Variants in ZBTB16 observed in about 807,000 individuals in gnomAD.
ZBTB16 encodes the protein zinc finger and BTB domain containing 16.
Under a neutral mutation model 56.8 loss-of-function variants are expected in ZBTB16, and 8 were observed. The ratio of observed to expected loss-of-function variants is 0.14; its 90% confidence interval spans 0.08 to 0.25. The LOEUF (loss-of-function observed/expected upper bound fraction) is 0.25. ZBTB16 is among the 10% of genes least tolerant of loss of function. ZBTB16 has a pLI of 1.00. For synonymous variants in ZBTB16, 363 were observed against 368.5 expected, an observed-to-expected ratio of 0.98 and a Z score of 0.17; for missense variants, 625 against 903.0, an observed-to-expected ratio of 0.69 and a Z score of 3.95.
At position 114,250,429 on chromosome 11, in the gene ZBTB16, C is replaced by T; in HGVS notation, c.1896C>T (p.Cys632=). 1.9e-6 allele frequency: 3 copies of T among 1,614,164 alleles called. No homozygotes were observed. Among genetic ancestry groups the T allele is most frequent in the Non-Finnish European group, 2.5e-6 (3 of 1,180,042 alleles). Residue 632 remains cysteine (C), a synonymous_variant, in exon 7 of 7, where the codon TGC becomes TGT. Coordinates refer to ENST00000335953, the MANE Select transcript of ZBTB16 (RefSeq NM_006006.6). This position sits in a 1 kb window ranked among gnomAD's most constrained non-coding sequence, Gnocchi z 6.0. ...ACAACGGCGCCTCGCCCTACCAGTG[C>T]ACCATCTGCACAGAGTACTGCCCCA... ...RTHNGASPYQ[C]TICTEYCPSL...
intron 2 of ZBTB16, among the ~76,000 whole-genome samples, chr11:114,113,689 A>G (rs545913024): frequency 4.6e-5 from 7 of 152,288 alleles, no homozygotes; most frequent in Non-Finnish European, 8.8e-5. Flanking sequence ...AAATAGAGAC[A>G]TTCTGTAAAT....
At chr11:114,249,753 C>G (rs1307074194) in intron 6 of ZBTB16, among the ~76,000 whole-genome samples, 43 of 111,754 alleles carry the variant, frequency 3.8e-4, no homozygotes, top group Middle Eastern at 5.9e-3. Context: ...GCCTGGGCGA[C>G]ACAGCGAGAC....
intron 4 of ZBTB16, among the ~76,000 whole-genome samples, chr11:114,218,692 C>G (rs1268645182): frequency 6.6e-6 from 1 of 152,184 alleles, no homozygotes; most frequent in African/African-American, 2.4e-5. Context: ...CTTCTGTCAA[C>G]TGCTTGTTTC....
chr11:114,235,439 C>A (rs552088475), intron 4 of ZBTB16, among the ~76,000 whole-genome samples: 66 of 152,330 alleles, frequency 4.3e-4, no homozygotes, highest in African/African-American at 1.5e-3. Flanking sequence ...CTCTTCCTTC[C>A]CATCTATTAA....
Position 114,254,031 on chromosome 11 carries a change from TC to T in ZBTB16, c.*3479del, listed in dbSNP as rs1944959444. On this transcript the variant is annotated 3_prime_UTR_variant, in exon 7 of 7. Transcript: ENST00000335953. ...CTGGCAAGGCCACGTTGGTTAATAG[TC>T]CCTTTCCCATGTCCAGCTCCTACAA... Among the ~76,000 whole-genome samples, 2 of 152,136 alleles carry T rather than the reference TC, an allele frequency of 1.3e-5. No homozygotes were observed. The highest frequency in any genetic ancestry group is 6.5e-5 in the Admixed American group (1 of 15,274).
chr11:114,244,567 G>A lies in ZBTB16; in HGVS notation c.1624+2230G>A, dbSNP rs141058487. 7.1e-3 allele frequency among the ~76,000 whole-genome samples: 1,082 copies of A among 152,220 alleles called. 2 individuals carry two copies. Among genetic ancestry groups the A allele is most frequent in the Non-Finnish European group, 0.011 (771 of 68,010 alleles). On this transcript the variant is annotated intron_variant, in intron 5 of 6. Transcript: ENST00000335953. ...TCAGCTCTCAGGGTGAAGATTTCAC[G>A]CCAGGTGCACACCGTGCTTCCAAAT...
intron 6 of ZBTB16, among the ~76,000 whole-genome samples, chr11:114,249,284 C>A (rs1177328): frequency 0.046 from 6,929 of 151,568 alleles, 243 homozygotes; most frequent in South Asian, 0.077. Context: ...CATGGTGAAA[C>A]CCTGTCTGTA....
Position 114,254,883 on chromosome 11 carries a change from T to C in ZBTB16, c.*4328T>C, listed in dbSNP as rs1487472490. ...AGGGGTGCAGGACAAACCAGAGAGG[T>C]TGGGTCAGGGGAAAAGGGTGGGGAG... On this transcript the variant is annotated 3_prime_UTR_variant, in exon 7 of 7. Transcript: ENST00000335953. Among the ~76,000 whole-genome samples, 2 of 150,984 alleles carry C rather than the reference T, an allele frequency of 1.3e-5. No homozygotes were observed. Among genetic ancestry groups the C allele is most frequent in the African/African-American group, 4.9e-5 (2 of 41,016 alleles).
At chr11:114,210,188 T>TGCGC (rs1205256098) in intron 4 of ZBTB16, among the ~76,000 whole-genome samples, 1 of 143,978 alleles carries the variant, frequency 6.9e-6, no homozygotes, top group African/African-American at 2.6e-5. Flanking sequence ...TGTGTGTGTG[T>TGCGC]GTGTGCGTGC....
chr11:114,181,883 C>T (rs1470810970), intron 3 of ZBTB16, among the ~76,000 whole-genome samples: 5 of 152,178 alleles, frequency 3.3e-5, no homozygotes, highest in East Asian at 1.9e-4. Flanking sequence ...CACTCCATCC[C>T]GTGCAGCTGG....
intron 4 of ZBTB16, among the ~76,000 whole-genome samples, chr11:114,210,204 C>CGCGCGCGCGG (rs200415523): frequency 7.0e-6 from 1 of 142,216 alleles, no homozygotes. Context: ...CGTGCGCGCG[C>CGCGCGCGCGG]GTGCACAGTT....
At position 114,060,563 on chromosome 11, in the gene ZBTB16, C is replaced by G. The variant is rs1938787097; in HGVS notation, c.-91+681C>G. 1 of 151,946 alleles carries G rather than the reference C, an allele frequency of 6.6e-6. No individual in the cohort carries two copies. The highest frequency in any genetic ancestry group is 1.5e-5 in the Non-Finnish European group (1 of 67,934). 9.4% of individuals were successfully genotyped at this position (151,946 alleles called of 1,614,324 possible). A position where few individuals can be genotyped will look rare whatever the true frequency, so the allele number is the denominator to read the frequency against. On this transcript the variant is annotated intron_variant, in intron 1 of 6. Transcript: ENST00000335953. The surrounding 1 kb of genome is among the most constrained non-coding windows in gnomAD (Gnocchi z 6.0). ...GACCGGCGGTGACACCGGAGCTCGC[C>G]GTGCGCTCCCGGCCGCTCTCGGTGG...
At chr11:114,076,085 C>G (rs75953713) in intron 2 of ZBTB16, among the ~76,000 whole-genome samples, 144 of 152,150 alleles carry the variant, frequency 9.5e-4, no homozygotes, top group African/African-American at 3.0e-3. Context: ...CCCCTGGTGA[C>G]AAAGGAGTGA....
intron 5 of ZBTB16, chr11:114,246,856 G>A: frequency 2.9e-6 from 1 of 350,408 alleles, no homozygotes; most frequent in South Asian, 2.8e-5. Flanking sequence ...TAAAGGAAGG[G>A]GAGAAGAGGT....
intron 4 of ZBTB16, among the ~76,000 whole-genome samples, chr11:114,235,957 C>A (rs1165538612): frequency 1.3e-5 from 2 of 151,838 alleles, no homozygotes; most frequent in African/African-American, 2.4e-5. Flanking sequence ...TTGCATGGAT[C>A]CTGCCCATAT....
intron 4 of ZBTB16, among the ~76,000 whole-genome samples, chr11:114,223,131 G>A (rs905601598): frequency 6.6e-6 from 1 of 152,194 alleles, no homozygotes. Context: ...AGTGATAGCC[G>A]TTCTGCAGGC....
chr11:114,061,914 G>T (rs567798189), intron 1 of ZBTB16, among the ~76,000 whole-genome samples: 2 of 152,118 alleles, frequency 1.3e-5, no homozygotes, highest in Admixed American at 6.5e-5. Flanking sequence ...TGGGACACAC[G>T]TGGAGTTCAC....
chr11:114,121,888 A>G, intron 2 of ZBTB16: 1 of 454,886 alleles, frequency 2.2e-6, no homozygotes, highest in South Asian at 1.6e-5. Context: ...ATTTCCTGAG[A>G]TGTGAGATGT....
chr11:114,148,246 GGC>G (rs1942160335), intron 2 of ZBTB16, among the ~76,000 whole-genome samples: 1 of 151,932 alleles, frequency 6.6e-6, no homozygotes, highest in African/African-American at 2.4e-5. Context: ...ATATTTTCAA[GGC>G]TCAGGACAGT....
Sources: gnomAD v4.1 joint callset for allele counts (sites outside exome capture counted in the v4.1 genomes callset) on GRCh38, gnomAD v4.1.1 for gene constraint, Gnocchi (gnomAD v3.1) non-coding constraint, MANE v1.5 for transcripts, NCBI Gene and HGNC (gene_info 2026-07-23, HGNC 2026-07-21) for gene names.